PTPRD: variants seen among roughly 807,000 people sequenced by gnomAD.
PTPRD encodes the protein receptor-type tyrosine-protein phosphatase delta.
In PTPRD, 34 loss-of-function variants were observed where a neutral mutation model predicts 214.5. That is an observed-to-expected ratio of 0.16 (90% CI 0.12 to 0.21). The LOEUF (loss-of-function observed/expected upper bound fraction) is 0.21, where lower values mean the gene tolerates loss of function less well. Among genes scored for constraint, PTPRD ranks in the 10% least tolerant of loss-of-function variants. PTPRD has a pLI of 1.00. For synonymous variants in PTPRD, 1,128 were observed against 845.7 expected (o/e 1.33, Z -5.79); for missense variants, 2,545 against 2,398.7 (o/e 1.06, Z -1.27).
intron 12 of PTPRD, among the ~76,000 whole-genome samples, chr9:8,681,769 C>A (rs887466743): frequency 1.3e-5 from 2 of 152,182 alleles, no homozygotes; most frequent in Non-Finnish European, 2.9e-5. Flanking sequence ...ATTCATTTCT[C>A]CACTGTCATT....
rs563988989 is a variant in PTPRD at position 8,587,165 on chromosome 9, G to A, written c.352+46152C>T. On this transcript the variant is annotated intron_variant, in intron 14 of 45. Transcript: ENST00000381196. ...ACTCCATCTAAAAAAACAAACAAAC[G>A]AACACAAAAAGAACGGAAGCCTAGA... 7.9e-5 allele frequency among the ~76,000 whole-genome samples: 12 copies of A among 152,024 alleles called. No homozygotes were observed. In the East Asian group the frequency reaches 1.7e-3, roughly 22 times the overall value.
intron 25 of PTPRD, among the ~76,000 whole-genome samples, chr9:8,498,037 T>C (rs146374809): frequency 5.9e-4 from 90 of 152,356 alleles, no homozygotes; most frequent in African/African-American, 2.0e-3. Context: ...AATAATTATT[T>C]ATACAAATCA....
Position 9,876,604 on chromosome 9 carries a change from T to C in PTPRD, c.-368+61903A>G, listed in dbSNP as rs1054595977. Among the ~76,000 whole-genome samples, 28 of 152,330 alleles carry C rather than the reference T, an allele frequency of 1.8e-4. 1 individual carries two copies. The highest frequency in any genetic ancestry group is 6.7e-4 in the African/African-American group (28 of 41,590). On this transcript the variant is annotated intron_variant, in intron 5 of 45. Transcript: ENST00000381196. Reference sequence around the variant, plus strand: ...GATCATTACATTTCTTAATGCTCATTATATGAGAATTAGTGCAGTGGCACT... The same window carrying C: ...GATCATTACATTTCTTAATGCTCATCATATGAGAATTAGTGCAGTGGCACT...
At chr9:9,949,729 C>T (rs946052880) in intron 4 of PTPRD, among the ~76,000 whole-genome samples, 1 of 152,246 alleles carries the variant, frequency 6.6e-6, no homozygotes, top group Non-Finnish European at 1.5e-5. Context: ...CTTTCTCATT[C>T]TTGACGAATG....
intron 11 of PTPRD, among the ~76,000 whole-genome samples, chr9:8,847,274 C>T (rs935988238): frequency 3.6e-5 from 5 of 139,294 alleles, no homozygotes; most frequent in South Asian, 4.3e-4. Flanking sequence ...AAATCAGTAA[C>T]TGAATATACA....
intron 3 of PTPRD, among the ~76,000 whole-genome samples, chr9:10,139,048 A>G (rs294846): frequency 0.45 from 67,726 of 151,802 alleles, 15,852 homozygotes; most frequent in Non-Finnish European, 0.53. Context: ...CAGAGAAATC[A>G]AGCAAGAGAA....
chr9:8,878,910 C>G (rs56044899), intron 11 of PTPRD, among the ~76,000 whole-genome samples: 4 of 152,186 alleles, frequency 2.6e-5, no homozygotes, highest in South Asian at 4.1e-4. Context: ...TAGCTATACC[C>G]TGGTGACTCT....
chr9:9,430,566 A>G (rs1051411763), intron 8 of PTPRD, among the ~76,000 whole-genome samples: 2 of 152,198 alleles, frequency 1.3e-5, no homozygotes, highest in African/African-American at 4.8e-5. Context: ...TAAAGTTCAT[A>G]TGGAACAAAA....
chr9:9,489,311 G>C (rs2095800298), intron 8 of PTPRD, among the ~76,000 whole-genome samples: 1 of 152,132 alleles, frequency 6.6e-6, no homozygotes, highest in Non-Finnish European at 1.5e-5. Flanking sequence ...AAGAGAATCT[G>C]AGTTCCATAG....
chr9:10,515,113 T>A (rs1160665521), intron 2 of PTPRD, among the ~76,000 whole-genome samples: 1 of 151,998 alleles, frequency 6.6e-6, no homozygotes, highest in Non-Finnish European at 1.5e-5. Flanking sequence ...TTTCTCAATC[T>A]GTATCTAATT....
At chr9:8,456,243 G>C (rs1430779200) in intron 33 of PTPRD, among the ~76,000 whole-genome samples, 2 of 152,176 alleles carry the variant, frequency 1.3e-5, no homozygotes, top group Non-Finnish European at 2.9e-5. Flanking sequence ...GGCATTGACA[G>C]TAACGCAGTA....
At chr9:8,996,584 C>G (rs2099397669) in intron 11 of PTPRD, among the ~76,000 whole-genome samples, 1 of 151,950 alleles carries the variant, frequency 6.6e-6, no homozygotes, top group Non-Finnish European at 1.5e-5. Flanking sequence ...AAATTTATTG[C>G]TCACAGTAAG....
chr9:10,019,594 T>G (rs1429305254), intron 4 of PTPRD, among the ~76,000 whole-genome samples: 1 of 152,102 alleles, frequency 6.6e-6, no homozygotes, highest in Non-Finnish European at 1.5e-5. Flanking sequence ...ATACTATGCA[T>G]TCATAAAAAA....
intron 3 of PTPRD, among the ~76,000 whole-genome samples, chr9:10,249,854 TA>T (rs1466737822): frequency 6.6e-6 from 1 of 152,118 alleles, no homozygotes; most frequent in African/African-American, 2.4e-5. Flanking sequence ...GGGCCTGCAA[TA>T]AGCTAGAAAA....
chr9:10,574,813 C>CATATATATATATATAT (rs143887636), intron 2 of PTPRD, among the ~76,000 whole-genome samples: 4 of 136,344 alleles, frequency 2.9e-5, no homozygotes, highest in African/African-American at 1.0e-4. Context: ...TATGTGTGTG[C>CATATATATATATATAT]ATATATATAT....
At chr9:8,718,125 G>A (rs2098455866) in intron 12 of PTPRD, among the ~76,000 whole-genome samples, 1 of 152,172 alleles carries the variant, frequency 6.6e-6, no homozygotes, top group Non-Finnish European at 1.5e-5. Context: ...GAGAATGCTT[G>A]TAAAGCTGGA....
At chr9:10,557,231 G>C (rs924812051) in intron 2 of PTPRD, among the ~76,000 whole-genome samples, 1 of 152,036 alleles carries the variant, frequency 6.6e-6, no homozygotes, top group Admixed American at 6.6e-5. Flanking sequence ...ATAAGCATCT[G>C]TTTTCTGCTT....
intron 8 of PTPRD, among the ~76,000 whole-genome samples, chr9:9,473,316 T>G (rs556698275): frequency 2.8e-4 from 42 of 152,344 alleles, no homozygotes; most frequent in Non-Finnish European, 5.6e-4. Context: ...TTTTATTCTT[T>G]TTTATGTCTA....
intron 3 of PTPRD, among the ~76,000 whole-genome samples, chr9:10,110,468 C>T (rs2098680783): frequency 6.6e-6 from 1 of 152,110 alleles, no homozygotes; most frequent in African/African-American, 2.4e-5. Context: ...CTGCCTTCCT[C>T]TCCCAACAAC....
Sources: gnomAD v4.1 joint callset for allele counts (sites outside exome capture counted in the v4.1 genomes callset) on GRCh38, gnomAD v4.1.1 for gene constraint, MANE v1.5 for transcripts, NCBI Gene and HGNC (gene_info 2026-07-23, HGNC 2026-07-21) for gene names.